The following DAPK2 variants were observed in gnomAD, a reference collection of about 807,000 sequenced individuals.
The protein encoded by DAPK2 is death-associated protein kinase 2.
DAPK2 carries 35 observed loss-of-function variants against 44.1 expected under a neutral mutation model. The ratio of observed to expected loss-of-function variants is 0.79; its 90% CI spans 0.61 to 1.05. DAPK2 has a LOEUF of 1.05. Among genes scored for constraint, DAPK2 ranks in the 50% least tolerant of loss-of-function variants. The pLI is 0.00. For synonymous variants in DAPK2, 174 were observed against 182.6 expected, an observed-to-expected ratio of 0.95 and a Z score of 0.38; for missense variants, 453 against 483.2, an observed-to-expected ratio of 0.94 and a Z score of 0.59.
Position 63,964,806 on chromosome 15 carries a change from A to C in DAPK2, c.453+6617T>G, listed in dbSNP as rs376717775. 7.2e-5 allele frequency among the ~76,000 whole-genome samples: 11 copies of C among 152,126 alleles called. No individual in the cohort carries two copies. The South Asian group carries it at 1.2e-3, about 17-fold the overall frequency. On this transcript the variant is annotated intron_variant, in intron 3 of 10. Coordinates refer to ENST00000261891, the Ensembl canonical transcript of DAPK2. ...CTGTTTGATTCTTTTTAGTTATTTA[A>C]ATCTCTTTGTTAAATTTATCTGATA...
chr15:63,936,498 C>A (rs955489044), intron 4 of DAPK2, among the ~76,000 whole-genome samples: 1 of 152,084 alleles, frequency 6.6e-6, no homozygotes, highest in African/African-American at 2.4e-5. Flanking sequence ...GTAATCCCAG[C>A]TACTAGGGAG....
intron 1 of DAPK2, among the ~76,000 whole-genome samples, chr15:64,026,010 T>A (rs1012774910): frequency 6.6e-6 from 1 of 152,194 alleles, no homozygotes; most frequent in Non-Finnish European, 1.5e-5. Flanking sequence ...TAGTTTTCTG[T>A]GCCCCACACT....
intron 1 of DAPK2, among the ~76,000 whole-genome samples, chr15:64,036,762 A>G (rs977561347): frequency 4.6e-5 from 7 of 152,168 alleles, no homozygotes; most frequent in Admixed American, 4.6e-4. Flanking sequence ...GTGCTCACTG[A>G]CAGCCAAGTA....
At chr15:63,928,696 T>C (rs1209831979) in intron 6 of DAPK2, among the ~76,000 whole-genome samples, 1 of 152,082 alleles carries the variant, frequency 6.6e-6, no homozygotes, top group East Asian at 1.9e-4. Flanking sequence ...GATAGTATCA[T>C]GGGACTCCAG....
intron 3 of DAPK2, among the ~76,000 whole-genome samples, chr15:63,958,949 T>C (rs1248247145): frequency 6.6e-6 from 1 of 152,256 alleles, no homozygotes; most frequent in Non-Finnish European, 1.5e-5. Context: ...TTGGGCATTA[T>C]GGCCATTTTC....
intron 6 of DAPK2, chr15:63,926,313 G>T: frequency 2.1e-6 from 1 of 475,614 alleles, no homozygotes; most frequent in Non-Finnish European, 3.7e-6. Flanking sequence ...GAGAGAAATT[G>T]TGTCTTCAAC....
chr15:63,955,796 G>A (rs996109933), intron 3 of DAPK2, among the ~76,000 whole-genome samples: 2 of 152,152 alleles, frequency 1.3e-5, no homozygotes, highest in African/African-American at 4.8e-5. Flanking sequence ...TTGAACTCCT[G>A]AGCTCAAGTG....
intron 1 of DAPK2, among the ~76,000 whole-genome samples, chr15:64,024,513 A>G (rs1312963593): frequency 6.6e-6 from 1 of 152,232 alleles, no homozygotes; most frequent in East Asian, 1.9e-4. Context: ...CAACAACCCC[A>G]TGAGATAGCA....
At chr15:63,929,795 A>C (rs2079469111) in intron 5 of DAPK2, 1 of 678,202 alleles carries the variant, frequency 1.5e-6, no homozygotes, top group Non-Finnish European at 2.7e-6. Context: ...CCGAAGACCC[A>C]AGTTCAAGAT....
At chr15:63,926,221 C>T in intron 6 of DAPK2, 128 bp from the exon 8 acceptor site, 3 of 1,054,040 alleles carry the variant, frequency 2.8e-6, no homozygotes. Flanking sequence ...ACAGCCTGCC[C>T]CCTCTGGGCA....
upstream of DAPK2, among the ~76,000 whole-genome samples, chr15:64,040,826 A>G (rs1183322156): frequency 1.3e-5 from 2 of 150,850 alleles, no homozygotes; most frequent in African/African-American, 4.9e-5. Context: ...AGGCAGAAGA[A>G]TCACTTGAAC....
chr15:63,991,054 T>G (rs2078803000), intron 1 of DAPK2, among the ~76,000 whole-genome samples: 1 of 151,930 alleles, frequency 6.6e-6, no homozygotes, highest in South Asian at 2.1e-4. Context: ...CCAAATCCCA[T>G]GAACAAGACG....
At chr15:64,002,901 A>G (rs1230102936) in intron 1 of DAPK2, among the ~76,000 whole-genome samples, 1 of 147,572 alleles carries the variant, frequency 6.8e-6, no homozygotes, top group Non-Finnish European at 1.5e-5. Context: ...AGGGAGGGAG[A>G]GAAAGACTGA....
chr15:63,957,998 C>T lies in DAPK2; in HGVS notation c.453+13425G>A, dbSNP rs143051252. On this transcript the variant is annotated intron_variant, in intron 3 of 10. Coordinates refer to ENST00000261891, the Ensembl canonical transcript of DAPK2. ...ACGGTGTAAAAGCATTCCTGTTTCTCCACATCCTCTTCAGAACCTGTTGTT... is the reference window on the plus strand; with the variant it reads ...ACGGTGTAAAAGCATTCCTGTTTCTTCACATCCTCTTCAGAACCTGTTGTT... Among the ~76,000 whole-genome samples the T allele has an allele frequency of 9.1e-4, 138 of 152,296 alleles. 2 individuals are homozygous for T. The East Asian group carries it at 0.026, about 28-fold the overall frequency.
intron 1 of DAPK2, among the ~76,000 whole-genome samples, chr15:64,022,531 A>C (rs142818375): frequency 3.9e-5 from 6 of 152,344 alleles, no homozygotes; most frequent in African/African-American, 9.6e-5. Context: ...AAGAGTTCAC[A>C]ATCCCATGGG....
intron 3 of DAPK2, among the ~76,000 whole-genome samples, chr15:63,944,503 G>T (rs986437802): frequency 2.0e-5 from 3 of 152,100 alleles, no homozygotes; most frequent in Non-Finnish European, 4.4e-5. Context: ...CAGGACAGAG[G>T]GTAGGGACTA....
Position 63,927,297 on chromosome 15 carries a change from T to G in DAPK2, c.660-1204A>C, listed in dbSNP as rs749677021. Among the ~76,000 whole-genome samples, 3 of 152,312 alleles carry G rather than the reference T, an allele frequency of 2.0e-5. No individual in the cohort carries two copies. The East Asian group carries it at 5.8e-4, about 29-fold the overall frequency. The stretch of plus-strand genomic sequence containing the variant: ...TGAGCAAGGCATCAAGAGTTGGTCC[T>G]TACCCCACGCTTGGTACACTTCAGC... On this transcript the variant is annotated intron_variant, in intron 6 of 10. Transcript: ENST00000261891.
At chr15:64,028,645 C>T (rs12442468) in intron 1 of DAPK2, among the ~76,000 whole-genome samples, 68,723 of 152,052 alleles carry the variant, frequency 0.45, 18,855 homozygotes, top group East Asian at 0.78. Flanking sequence ...CGTCCATGTA[C>T]TTAATACTTC....
chr15:63,953,113 T>A (rs915432712), intron 3 of DAPK2, among the ~76,000 whole-genome samples: 12 of 152,024 alleles, frequency 7.9e-5, no homozygotes, highest in Admixed American at 3.3e-4. Flanking sequence ...CAATTTGCAG[T>A]CTTTTATACC....
Sources: gnomAD v4.1 joint callset for allele counts (sites outside exome capture counted in the v4.1 genomes callset) on GRCh38, gnomAD v4.1.1 for gene constraint, MANE v1.5 for transcripts, NCBI Gene and HGNC (gene_info 2026-07-23, HGNC 2026-07-21) for gene names.